Variants in MTOR observed in about 807,000 individuals in gnomAD.
MTOR encodes mechanistic target of rapamycin kinase, also known as serine/threonine-protein kinase mTOR.
In MTOR, 70 loss-of-function variants were observed where a neutral mutation model predicts 319.8. The observed-to-expected ratio is 0.22, with a 90% CI of 0.18 to 0.27. The LOEUF (loss-of-function observed/expected upper bound fraction) is 0.27. Among genes scored for constraint, MTOR ranks in the 10% least tolerant of loss-of-function variants. MTOR has a pLI of 1.00. For synonymous variants in MTOR, 1,183 were observed against 1,211.4 expected, an observed-to-expected ratio of 0.98 and a Z score of 0.49; for missense variants, 1,890 against 3,274.4, an observed-to-expected ratio of 0.58 and a Z score of 10.32.
chr1:11,235,704 C>A (rs1298921567), intron 13 of MTOR, among the ~76,000 whole-genome samples: 3 of 152,158 alleles, frequency 2.0e-5, no homozygotes, highest in Admixed American at 2.0e-4. Flanking sequence ...TTAGAGCCAG[C>A]CGGGCGAGGT....
chr1:11,198,308 C>T (rs1203651028), intron 28 of MTOR, among the ~76,000 whole-genome samples: 1 of 152,136 alleles, frequency 6.6e-6, no homozygotes, highest in Non-Finnish European at 1.5e-5. Context: ...TCTCCAAGTC[C>T]AATTTATTTG....
Position 11,221,246 on chromosome 1 carries a change from C to T in MTOR, c.3031-5012G>A, listed in dbSNP as rs942765016. Among the ~76,000 whole-genome samples, 16 of 152,170 alleles carry T rather than the reference C, an allele frequency of 1.1e-4. No individual in the cohort carries two copies. In the East Asian group the frequency reaches 1.2e-3, roughly 11 times the overall value. On this transcript the variant is annotated intron_variant, in intron 19 of 57. Transcript: ENST00000361445. ...CTGACTTTGAGTGATCCACCTGCCTCGGCCTCCCAAAGTGTTGGGGTTACA... is the reference window on the plus strand; with the variant it reads ...CTGACTTTGAGTGATCCACCTGCCTTGGCCTCCCAAAGTGTTGGGGTTACA...
intron 16 of MTOR, among the ~76,000 whole-genome samples, chr1:11,232,097 G>A (rs1183504092): frequency 2.0e-5 from 3 of 152,178 alleles, no homozygotes; most frequent in East Asian, 1.9e-4. Context: ...GCTGGGCAAG[G>A]ATGAGCTAAA....
At chr1:11,160,323 C>T (rs529368893) in intron 29 of MTOR, among the ~76,000 whole-genome samples, 2 of 152,230 alleles carry the variant, frequency 1.3e-5, no homozygotes, top group South Asian at 4.2e-4. Context: ...TGGTCTTGAA[C>T]TCCTGATCTC....
intron 12 of MTOR, 76 bp from the exon 13 acceptor site, chr1:11,238,124 T>G: frequency 2.1e-6 from 3 of 1,401,838 alleles, no homozygotes; most frequent in South Asian, 2.4e-5. Flanking sequence ...CTACCTCCAC[T>G]GCCATCAGCG....
At chr1:11,166,562 T>C (rs938339958) in intron 29 of MTOR, among the ~76,000 whole-genome samples, 3 of 152,170 alleles carry the variant, frequency 2.0e-5, no homozygotes, top group Admixed American at 2.0e-4. Flanking sequence ...TCACACCAGT[T>C]AGAATGACGA....
At chr1:11,250,193 T>C (rs1649463158) in intron 6 of MTOR, among the ~76,000 whole-genome samples, 1 of 129,244 alleles carries the variant, frequency 7.7e-6, no homozygotes, top group Admixed American at 7.6e-5. Context: ...CCGACCTCCC[T>C]CCCGGACGGG....
intron 28 of MTOR, among the ~76,000 whole-genome samples, chr1:11,169,371 G>T (rs542808321): frequency 3.9e-5 from 6 of 152,298 alleles, no homozygotes; most frequent in African/African-American, 1.4e-4. Context: ...CCCAGGAAAG[G>T]CAGGGATTTT....
At chr1:11,203,075 T>C (rs1382116801) in intron 26 of MTOR, among the ~76,000 whole-genome samples, 1 of 150,668 alleles carries the variant, frequency 6.6e-6, no homozygotes, top group African/African-American at 2.4e-5. Flanking sequence ...TAGCCGGGCG[T>C]GGTGGCGTGT....
chr1:11,167,927 G>A (rs1422989034), intron 28 of MTOR, among the ~76,000 whole-genome samples: 5 of 152,112 alleles, frequency 3.3e-5, no homozygotes, highest in East Asian at 3.9e-4. Flanking sequence ...AAAATTAGCC[G>A]GGCGTGGTGG....
chr1:11,214,319 T>C (rs1646401923), intron 20 of MTOR, among the ~76,000 whole-genome samples: 1 of 152,252 alleles, frequency 6.6e-6, no homozygotes, highest in Admixed American at 6.5e-5. Flanking sequence ...CCCACATGGT[T>C]ATTTTCCACA....
intron 28 of MTOR, among the ~76,000 whole-genome samples, chr1:11,173,196 G>A (rs1171819597): frequency 7.2e-5 from 11 of 152,230 alleles, no homozygotes; most frequent in African/African-American, 9.6e-5. Flanking sequence ...GTTTTGCCAC[G>A]TTGGCCAGGC....
intron 28 of MTOR, among the ~76,000 whole-genome samples, chr1:11,185,643 G>A (rs761443386): frequency 1.1e-4 from 17 of 152,028 alleles, no homozygotes; most frequent in Non-Finnish European, 1.8e-4. Flanking sequence ...TCTAAGAGAA[G>A]GCCTGAGAGA....
intron 18 of MTOR, 135 bp from the exon 19 acceptor site, chr1:11,229,053 T>C: frequency 8.5e-7 from 1 of 1,171,648 alleles, no homozygotes; most frequent in Non-Finnish European, 1.2e-6. Flanking sequence ...TCTAACACTG[T>C]TGGGAGTTCA....
chr1:11,182,487 C>T (rs907414701), intron 28 of MTOR, among the ~76,000 whole-genome samples: 1 of 152,174 alleles, frequency 6.6e-6, no homozygotes, highest in African/African-American at 2.4e-5. Flanking sequence ...TATTTTTACA[C>T]AAACATCCTA....
At chr1:11,234,351 C>G in intron 13 of MTOR, 86 bp from the exon 14 acceptor site, 2 of 1,491,008 alleles carry the variant, frequency 1.3e-6, no homozygotes, top group South Asian at 2.7e-5. Flanking sequence ...TGGCAGGGAA[C>G]TGGGGGAAAA....
chr1:11,219,800 G>T (rs1434260865), intron 19 of MTOR, among the ~76,000 whole-genome samples: 2 of 152,138 alleles, frequency 1.3e-5, no homozygotes, highest in East Asian at 3.9e-4. Context: ...GAGGCGGGTG[G>T]ATTGCTTGAG....
chr1:11,140,389 G>T (rs942944963), intron 34 of MTOR, among the ~76,000 whole-genome samples: 1 of 152,164 alleles, frequency 6.6e-6, no homozygotes, highest in Non-Finnish European at 1.5e-5. Context: ...TGGATCCCTT[G>T]CATGCGCAGT....
At chr1:11,172,997 T>C (rs1158023619) in intron 28 of MTOR, among the ~76,000 whole-genome samples, 1 of 151,878 alleles carries the variant, frequency 6.6e-6, no homozygotes, top group Non-Finnish European at 1.5e-5. Flanking sequence ...CACTCTCTTT[T>C]CTTTTTTTTT....
Sources: gnomAD v4.1 joint callset for allele counts (sites outside exome capture counted in the v4.1 genomes callset) on GRCh38, gnomAD v4.1.1 for gene constraint, MANE v1.5 for transcripts, NCBI Gene and HGNC (gene_info 2026-07-23, HGNC 2026-07-21) for gene names.